PRKG1: variants seen among roughly 807,000 people sequenced by gnomAD.
PRKG1 encodes the protein cGMP-dependent protein kinase 1.
PRKG1 carries 35 observed loss-of-function variants against 88.1 expected under a neutral mutation model. The ratio of observed to expected loss-of-function variants is 0.40; its 90% CI spans 0.30 to 0.53. The LOEUF (loss-of-function observed/expected upper bound fraction) is 0.53. Ranked by LOEUF, PRKG1 falls within the 20% of genes least tolerant of loss-of-function variation. PRKG1 has a pLI of 0.59. For missense variants in PRKG1, 540 were observed against 839.8 expected, an observed-to-expected ratio of 0.64 and a Z score of 4.41; for synonymous variants, 303 against 292.5, an observed-to-expected ratio of 1.04 and a Z score of -0.37.
At chr10:51,381,296 A>G (rs1240818442) in intron 2 of PRKG1, among the ~76,000 whole-genome samples, 5 of 140,252 alleles carry the variant, frequency 3.6e-5, no homozygotes, top group African/African-American at 1.3e-4. Flanking sequence ...AAAAAAAAAA[A>G]AAAAGGAAAT....
intron 5 of PRKG1, among the ~76,000 whole-genome samples, chr10:52,027,082 A>C (rs1845360220): frequency 6.6e-6 from 1 of 152,244 alleles, no homozygotes; most frequent in Non-Finnish European, 1.5e-5. Flanking sequence ...AAGAGAAGAC[A>C]TGTAACCTAT....
intron 3 of PRKG1, among the ~76,000 whole-genome samples, chr10:51,617,409 G>C (rs1205489773): frequency 6.6e-6 from 1 of 151,974 alleles, no homozygotes; most frequent in Non-Finnish European, 1.5e-5. Context: ...GTAGCAGCAG[G>C]GTGGGTAGGC....
At chr10:51,841,119 A>G (rs1361600201) in intron 4 of PRKG1, among the ~76,000 whole-genome samples, 1 of 152,172 alleles carries the variant, frequency 6.6e-6, no homozygotes, top group Non-Finnish European at 1.5e-5. Context: ...AAATAAGCTC[A>G]TTACATTTTT....
chr10:51,114,711 A>AT (rs200108944), intron 1 of PRKG1, among the ~76,000 whole-genome samples: 1 of 152,064 alleles, frequency 6.6e-6, no homozygotes, highest in East Asian at 1.9e-4. Flanking sequence ...CAGCTTTATT[A>AT]TTTTTTTCTG....
intron 4 of PRKG1, among the ~76,000 whole-genome samples, chr10:51,871,641 C>T (rs1841161502): frequency 6.6e-6 from 1 of 152,156 alleles, no homozygotes; most frequent in African/African-American, 2.4e-5. Flanking sequence ...ATAGTCCATC[C>T]CAGCAAAAAG....
At chr10:51,338,832 T>C (rs904799743) in intron 2 of PRKG1, among the ~76,000 whole-genome samples, 36 of 152,248 alleles carry the variant, frequency 2.4e-4, no homozygotes, top group Admixed American at 2.0e-3. Context: ...ATTTTGTTCC[T>C]ACTTTTTTGT....
At chr10:51,458,296 G>T (rs1359376220) in intron 2 of PRKG1, among the ~76,000 whole-genome samples, 1 of 152,010 alleles carries the variant, frequency 6.6e-6, no homozygotes, top group African/African-American at 2.4e-5. Flanking sequence ...AATTATTGTT[G>T]TTTCTATTTT....
chr10:51,063,855 G>C (rs1843719712), intron 1 of PRKG1, among the ~76,000 whole-genome samples: 1 of 152,056 alleles, frequency 6.6e-6, no homozygotes, highest in Admixed American at 6.5e-5. Context: ...ACAGTAGAGG[G>C]TGCAATTGTA....
intron 5 of PRKG1, among the ~76,000 whole-genome samples, chr10:52,049,920 A>G (rs900413042): frequency 1.3e-5 from 2 of 152,146 alleles, no homozygotes; most frequent in Non-Finnish European, 2.9e-5. Context: ...ATCTGGTGAA[A>G]AATAATCATG....
At chr10:51,952,748 T>C (rs10733889) in intron 5 of PRKG1, among the ~76,000 whole-genome samples, 53,659 of 152,012 alleles carry the variant, frequency 0.35, 10,030 homozygotes, top group East Asian at 0.65. Flanking sequence ...CACTTACTAA[T>C]TATGTAGCAT....
chr10:51,908,601 T>A (rs7899670), intron 5 of PRKG1: 113,301 of 151,174 alleles, frequency 0.75, 42,960 homozygotes, highest in African/African-American at 0.87. Flanking sequence ...GTTGAAAAAA[T>A]AAATAAAGAA....
intron 7 of PRKG1, among the ~76,000 whole-genome samples, chr10:52,105,234 C>T (rs149979012): frequency 0.01 from 1,528 of 152,080 alleles, 23 homozygotes; most frequent in African/African-American, 0.031. Flanking sequence ...TATATGGGTC[C>T]AAATTGTCTC....
chr10:51,035,220 G>C (rs1843338561), intron 1 of PRKG1, among the ~76,000 whole-genome samples: 1 of 152,052 alleles, frequency 6.6e-6, no homozygotes, highest in Non-Finnish European at 1.5e-5. Context: ...TCTGCAAACA[G>C]GAATAATAAT....
intron 8 of PRKG1, among the ~76,000 whole-genome samples, chr10:52,149,829 C>G (rs1420831553): frequency 1.3e-5 from 2 of 149,762 alleles, no homozygotes; most frequent in African/African-American, 4.9e-5. Context: ...AAGAGGTGAC[C>G]TATTGAAATA....
chr10:51,000,385 A>G (rs1362746950), intron 1 of PRKG1, among the ~76,000 whole-genome samples: 3 of 152,190 alleles, frequency 2.0e-5, no homozygotes, highest in Non-Finnish European at 2.9e-5. Flanking sequence ...GCACATGGGA[A>G]TGTCATCTAT....
intron 2 of PRKG1, among the ~76,000 whole-genome samples, chr10:51,415,355 A>T (rs1588935245): frequency 6.6e-6 from 1 of 152,170 alleles, no homozygotes; most frequent in African/African-American, 2.4e-5. Context: ...CATCTGCTTA[A>T]TTCTTGTTAT....
At chr10:52,066,812 G>C (rs187482238) in intron 7 of PRKG1, among the ~76,000 whole-genome samples, 353 of 152,302 alleles carry the variant, frequency 2.3e-3, no homozygotes, top group Non-Finnish European at 4.1e-3. Flanking sequence ...TAAACCAACA[G>C]ACCATTTCTG....
intron 2 of PRKG1, among the ~76,000 whole-genome samples, chr10:51,248,087 G>A (rs1315669871): frequency 1.3e-5 from 2 of 151,926 alleles, no homozygotes; most frequent in African/African-American, 4.8e-5. Flanking sequence ...TAGGTAGAAA[G>A]TTAGAAGGAC....
At chr10:52,173,821 TAAC>T (rs2132714559) in intron 9 of PRKG1, among the ~76,000 whole-genome samples, 1 of 152,288 alleles carries the variant, frequency 6.6e-6, no homozygotes, top group South Asian at 2.1e-4. Flanking sequence ...TACTGAAGAA[TAAC>T]AATCCTCAAG....
Sources: allele counts gnomAD v4.1 joint callset (sites outside exome capture counted in the v4.1 genomes callset), GRCh38; gene constraint gnomAD v4.1.1; transcripts MANE v1.5; gene names NCBI Gene and HGNC (gene_info 2026-07-23, HGNC 2026-07-21).